PCDH9: variants seen among roughly 807,000 people sequenced by gnomAD.
PCDH9 encodes the protein protocadherin 9, also known as protocadherin-9.
In PCDH9, 24 loss-of-function variants were observed where a neutral mutation model predicts 70.6. The observed-to-expected ratio is 0.34, with a 90% CI of 0.25 to 0.48. The LOEUF is 0.48. PCDH9 is among the 20% of genes least tolerant of loss of function. The pLI is 0.99. For missense variants in PCDH9, 1,281 were observed against 1,503.6 expected (o/e 0.85, Z 2.45); for synonymous variants, 562 against 558.5 (o/e 1.01, Z -0.09).
intron 2 of PCDH9, among the ~76,000 whole-genome samples, chr13:67,001,477 A>G (rs944966042): frequency 5.3e-5 from 8 of 152,202 alleles, no homozygotes; most frequent in Admixed American, 3.3e-4. Flanking sequence ...AAATCCCAAT[A>G]AGGGAAAAGC....
At chr13:66,903,405 G>T in intron 3 of PCDH9, 99 bp downstream of exon 3, 1 of 465,172 alleles carries the variant, frequency 2.1e-6, no homozygotes. Context: ...AGAAGAGATG[G>T]GCAAAGACAA....
chr13:66,650,994 G>A (rs1228818402), intron 3 of PCDH9, among the ~76,000 whole-genome samples: 1 of 151,652 alleles, frequency 6.6e-6, no homozygotes, highest in East Asian at 1.9e-4. Context: ...ACATAATTAT[G>A]GAAACACAAC....
intron 4 of PCDH9, among the ~76,000 whole-genome samples, chr13:66,461,928 C>A (rs919156515): frequency 1.3e-5 from 2 of 151,718 alleles, no homozygotes; most frequent in African/African-American, 4.8e-5. Context: ...AGAGGCCTTA[C>A]CATACCATCC....
chr13:66,770,289 A>C (rs377031418), intron 3 of PCDH9, among the ~76,000 whole-genome samples: 1 of 152,162 alleles, frequency 6.6e-6, no homozygotes, highest in Non-Finnish European at 1.5e-5. Context: ...AGGTGCACCT[A>C]AATCTCATAA....
intron 2 of PCDH9, among the ~76,000 whole-genome samples, chr13:66,981,227 C>A (rs1278284407): frequency 1.3e-5 from 2 of 151,768 alleles, no homozygotes; most frequent in African/African-American, 2.4e-5. Flanking sequence ...TCACGAGGTG[C>A]GGAGATCAAG....
chr13:67,160,183 A>G (rs2087917442), intron 2 of PCDH9, among the ~76,000 whole-genome samples: 5 of 152,216 alleles, frequency 3.3e-5, no homozygotes, highest in Admixed American at 3.3e-4. Context: ...ACAACAGCAA[A>G]TACTCCAAAA....
intron 3 of PCDH9, among the ~76,000 whole-genome samples, chr13:66,899,644 T>C (rs2082245156): frequency 6.6e-6 from 1 of 151,976 alleles, no homozygotes; most frequent in Non-Finnish European, 1.5e-5. Context: ...TTGCATTATA[T>C]ACTGTTTCAT....
In PCDH9 at chr13:66,709,820, C is replaced by A. The variant is rs189401349; in HGVS notation, c.3139-78409G>T. 9.1e-4 allele frequency among the ~76,000 whole-genome samples: 139 copies of A among 152,184 alleles called. 1 individual carries two copies. Among genetic ancestry groups the A allele is most frequent in the Non-Finnish European group, 4.3e-4 (29 of 67,982 alleles). ...TTAATGGAATAGTAGAAAAATGTAA[C>A]AGAGTATATACTTAACAGAGTCAGG... On this transcript the variant is annotated intron_variant, in intron 3 of 4. Coordinates refer to ENST00000377865, the MANE Select transcript of PCDH9 (RefSeq NM_203487.3).
At chr13:66,749,295 T>C (rs928725702) in intron 3 of PCDH9, among the ~76,000 whole-genome samples, 1 of 152,186 alleles carries the variant, frequency 6.6e-6, no homozygotes, top group African/African-American at 2.4e-5. Context: ...TCTGCAAGCA[T>C]TTTAGACAAT....
chr13:66,671,326 G>A (rs147157877), intron 3 of PCDH9, among the ~76,000 whole-genome samples: 1 of 152,176 alleles, frequency 6.6e-6, no homozygotes, highest in Non-Finnish European at 1.5e-5. Context: ...GTACTGCTAT[G>A]AGGATACCTG....
In PCDH9 at chr13:66,815,144, A is replaced by G. The variant is rs759992473; in HGVS notation, c.3138+88360T>C. ...AGACAATTTTCAAAAGAAGAGATAC[A>G]CACAGCCAACAAGCATATGAAAAAA... On this transcript the variant is annotated intron_variant, in intron 3 of 4. Coordinates refer to ENST00000377865, the MANE Select transcript of PCDH9 (RefSeq NM_203487.3). Among the ~76,000 whole-genome samples, 19 of 152,218 alleles carry G rather than the reference A, an allele frequency of 1.2e-4. 1 individual carries two copies. The highest frequency in any genetic ancestry group is 2.2e-4 in the Non-Finnish European group (15 of 68,032).
chr13:67,172,268 G>T (rs1245669930), intron 2 of PCDH9, among the ~76,000 whole-genome samples: 1 of 152,100 alleles, frequency 6.6e-6, no homozygotes, highest in African/African-American at 2.4e-5. Flanking sequence ...ACACTTTTCT[G>T]CTTAGCCAAG....
intron 3 of PCDH9, among the ~76,000 whole-genome samples, chr13:66,640,271 G>A (rs542389292): frequency 2.6e-5 from 4 of 152,200 alleles, no homozygotes; most frequent in African/African-American, 9.6e-5. Context: ...AACAAAAATG[G>A]AATCTGATTC....
Position 66,651,832 on chromosome 13 carries a change from C to T in PCDH9, c.3139-20421G>A, listed in dbSNP as rs1349327937. Among the ~76,000 whole-genome samples the T allele has an allele frequency of 2.0e-5, 3 of 152,076 alleles. No individual in the cohort carries two copies. The East Asian group carries it at 5.8e-4, about 29-fold the overall frequency. ...TCATTATGACCCAGTGAGATTTATC[C>T]CAGGGATGTAATAATGGTTCAATAT... On this transcript the variant is annotated intron_variant, in intron 3 of 4. Transcript: ENST00000377865.
At chr13:66,842,641 C>A (rs985739670) in intron 3 of PCDH9, among the ~76,000 whole-genome samples, 2 of 152,110 alleles carry the variant, frequency 1.3e-5, no homozygotes, top group African/African-American at 2.4e-5. Context: ...AATAAAATGA[C>A]AAAATAGCAT....
At chr13:66,515,706 A>G (rs1651293944) in intron 4 of PCDH9, among the ~76,000 whole-genome samples, 1 of 152,020 alleles carries the variant, frequency 6.6e-6, no homozygotes, top group Non-Finnish European at 1.5e-5. Flanking sequence ...AACAGAACAT[A>G]CAATTTAACA....
intron 4 of PCDH9, among the ~76,000 whole-genome samples, chr13:66,598,196 T>C (rs565973592): frequency 6.6e-6 from 1 of 151,768 alleles, no homozygotes; most frequent in African/African-American, 2.4e-5. Flanking sequence ...AAATTTAAAA[T>C]AGAACTGTAA....
chr13:66,706,703 G>A (rs1361954637), intron 3 of PCDH9, among the ~76,000 whole-genome samples: 1 of 152,196 alleles, frequency 6.6e-6, no homozygotes. Flanking sequence ...TGAAAGACAA[G>A]AGGCCAGCAT....
intron 2 of PCDH9, among the ~76,000 whole-genome samples, chr13:66,971,940 T>C (rs2083530306): frequency 6.6e-6 from 1 of 151,942 alleles, no homozygotes; most frequent in Non-Finnish European, 1.5e-5. Context: ...TAATATTCGA[T>C]CTTAATATAT....
Sources: allele counts gnomAD v4.1 joint callset (sites outside exome capture counted in the v4.1 genomes callset), GRCh38; gene constraint gnomAD v4.1.1; transcripts MANE v1.5; gene names NCBI Gene and HGNC (gene_info 2026-07-23, HGNC 2026-07-21).